SHPRH: variants seen among roughly 807,000 people sequenced by gnomAD.
SHPRH encodes the protein SNF2 histone linker PHD RING helicase, also known as E3 ubiquitin-protein ligase SHPRH.
In SHPRH, 106 loss-of-function variants were observed where a neutral mutation model predicts 202.5. The ratio of observed to expected loss-of-function variants is 0.52; its 90% CI spans 0.45 to 0.62. The LOEUF is 0.62. Ranked by LOEUF, SHPRH falls within the 20% of genes least tolerant of loss-of-function variation. The pLI, the probability that SHPRH is intolerant of heterozygous loss-of-function variation, is 0.00. For synonymous variants in SHPRH, 729 were observed against 686.0 expected (o/e 1.06, Z -0.98); for missense variants, 1,710 against 2,020.0 (o/e 0.85, Z 2.94).
At chr6:145,886,883 A>C in intron 29 of SHPRH, 96 bp from the exon 30 acceptor site, 1 of 1,302,380 alleles carries the variant, frequency 7.7e-7, no homozygotes, top group Non-Finnish European at 1.0e-6. Context: ...ATTTTTTCTT[A>C]AGTTTTTGTA....
chr6:145,951,492 T>A (rs766002642), intron 3 of SHPRH, among the ~76,000 whole-genome samples: 11 of 152,196 alleles, frequency 7.2e-5, no homozygotes, highest in Non-Finnish European at 1.3e-4. Context: ...AATCTAAGAT[T>A]AATAGCTAAA....
chr6:145,929,752 A>G (rs1785238954), intron 14 of SHPRH, among the ~76,000 whole-genome samples: 1 of 152,066 alleles, frequency 6.6e-6, no homozygotes, highest in Non-Finnish European at 1.5e-5. Context: ...TTTGCACACA[A>G]AGTTACGTGT....
chr6:145,883,713 G>A (rs1780757244), downstream of SHPRH: 1 of 152,184 alleles, frequency 6.6e-6, no homozygotes, highest in South Asian at 2.1e-4. Context: ...AGAGTAGACA[G>A]GCTTAAAATG....
chr6:145,931,688 C>T (rs1172214522), intron 14 of SHPRH, among the ~76,000 whole-genome samples: 1 of 151,978 alleles, frequency 6.6e-6, no homozygotes, highest in Non-Finnish European at 1.5e-5. Context: ...ACCTCTAACT[C>T]CTTGTTGTAT....
chr6:145,893,110 T>C (rs745709223), intron 28 of SHPRH, 105 bp downstream of exon 28: 6 of 944,034 alleles, frequency 6.4e-6, no homozygotes, highest in Non-Finnish European at 8.5e-6. Context: ...AAGGAAGTAA[T>C]TAAAAACAAG....
At chr6:145,900,095 G>A (rs950396821) in intron 25 of SHPRH, among the ~76,000 whole-genome samples, 8 of 152,132 alleles carry the variant, frequency 5.3e-5, no homozygotes, top group African/African-American at 1.9e-4. Flanking sequence ...ATAGTAAAGA[G>A]GTTTCTCAAT....
At chr6:145,869,518 G>T (rs1025032326) in intron 2 of SHPRH, among the ~76,000 whole-genome samples, 2 of 152,182 alleles carry the variant, frequency 1.3e-5, no homozygotes, top group Non-Finnish European at 2.9e-5. Flanking sequence ...TTTTTGTGAA[G>T]GGTATAGATC....
chr6:145,929,167 T>TA (rs539163979), intron 14 of SHPRH, among the ~76,000 whole-genome samples: 275 of 151,156 alleles, frequency 1.8e-3, no homozygotes, highest in African/African-American at 5.3e-3. Flanking sequence ...TGAGGAAGAT[T>TA]AAAAAAAAAC....
At chr6:145,859,464 T>C (rs180834216), downstream of SHPRH, among the ~76,000 whole-genome samples, 2 of 152,130 alleles carry the variant, frequency 1.3e-5, no homozygotes, top group Admixed American at 1.3e-4. Flanking sequence ...AACTTATCCA[T>C]GTAGACAAAT....
intron 25 of SHPRH, among the ~76,000 whole-genome samples, chr6:145,900,481 C>T (rs1417070402): frequency 4.0e-5 from 6 of 151,868 alleles, no homozygotes; most frequent in African/African-American, 1.5e-4. Flanking sequence ...AGCAGAATGG[C>T]GGTTACCAGA....
intron 25 of SHPRH, among the ~76,000 whole-genome samples, chr6:145,899,649 A>G (rs556595884): frequency 6.6e-6 from 1 of 152,290 alleles, no homozygotes; most frequent in African/African-American, 2.4e-5. Context: ...CAAGAAAAGC[A>G]AAAAGATAAA....
downstream of SHPRH, among the ~76,000 whole-genome samples, chr6:145,860,376 G>T (rs1779539859): frequency 1.3e-5 from 2 of 151,612 alleles, no homozygotes; most frequent in African/African-American, 4.8e-5. Context: ...TATCCATAAA[G>T]AAAATTTAAA....
chr6:145,931,448 G>A (rs1322003461), intron 14 of SHPRH, among the ~76,000 whole-genome samples: 2 of 152,182 alleles, frequency 1.3e-5, no homozygotes, highest in Middle Eastern at 3.4e-3. Context: ...CGCCTCCGGG[G>A]TTCAAGTGAT....
At chr6:145,931,030 ATC>A (rs1785383496) in intron 14 of SHPRH, among the ~76,000 whole-genome samples, 1 of 152,166 alleles carries the variant, frequency 6.6e-6, no homozygotes, top group South Asian at 2.1e-4. Context: ...TTAATAAGAA[ATC>A]TGTTTTACTT....
At chr6:145,925,345 C>CACACACACAT (rs1452993623) in intron 16 of SHPRH, among the ~76,000 whole-genome samples, 1 of 150,200 alleles carries the variant, frequency 6.7e-6, no homozygotes, top group Non-Finnish European at 1.5e-5. Flanking sequence ...TCTCACTACA[C>CACACACACAT]ACACACACAC....
At chr6:145,959,019 G>T (rs867140681) in intron 1 of SHPRH, among the ~76,000 whole-genome samples, 25 of 152,018 alleles carry the variant, frequency 1.6e-4, no homozygotes, top group Non-Finnish European at 3.2e-4. Flanking sequence ...TGTATTTTTA[G>T]TAGAGACGGG....
chr6:145,895,099 G>A (rs1051325754), intron 25 of SHPRH, 122 bp from the exon 26 acceptor site: 94 of 773,792 alleles, frequency 1.2e-4, no homozygotes, highest in Non-Finnish European at 1.9e-4. Context: ...AAATTATCAG[G>A]TGCATATGTG....
At chr6:145,914,227 T>C (rs907589948) in intron 23 of SHPRH, among the ~76,000 whole-genome samples, 2 of 152,192 alleles carry the variant, frequency 1.3e-5, no homozygotes, top group Admixed American at 1.3e-4. Flanking sequence ...GGCTATCTGG[T>C]CTGCAGGGAG....
chr6:145,960,655 T>C (rs1168355238), intron 1 of SHPRH, among the ~76,000 whole-genome samples: 1 of 152,238 alleles, frequency 6.6e-6, no homozygotes, highest in East Asian at 1.9e-4. Context: ...TCCAGTCTTC[T>C]GTGCCAATTT....
Sources: allele counts gnomAD v4.1 joint callset (sites outside exome capture counted in the v4.1 genomes callset), GRCh38; gene constraint gnomAD v4.1.1; transcripts MANE v1.5; gene names NCBI Gene and HGNC (gene_info 2026-07-23, HGNC 2026-07-21).